Variants in SEMA3A observed in about 807,000 individuals in gnomAD.
SEMA3A encodes semaphorin 3A.
Under a neutral mutation model 97.9 loss-of-function variants are expected in SEMA3A, and 29 were observed. That is an observed-to-expected ratio of 0.30 (90% CI 0.22 to 0.40). SEMA3A has a LOEUF of 0.40. Among genes scored for constraint, SEMA3A ranks in the 10% least tolerant of loss-of-function variants. SEMA3A has a pLI of 1.00. For synonymous variants in SEMA3A, 321 were observed against 323.7 expected (o/e 0.99, Z 0.09); for missense variants, 763 against 951.3 (o/e 0.80, Z 2.60).
At chr7:84,333,592 A>C (rs1169499338) in intron 2 of SEMA3A, among the ~76,000 whole-genome samples, 1 of 152,196 alleles carries the variant, frequency 6.6e-6, no homozygotes, top group Non-Finnish European at 1.5e-5. Context: ...CTTTCCAAAG[A>C]AAAATTGAAA....
chr7:84,147,384 A>C (rs17241955), intron 1 of SEMA3A, among the ~76,000 whole-genome samples: 73,094 of 152,152 alleles, frequency 0.48, 18,707 homozygotes, highest in East Asian at 0.68. Flanking sequence ...GGGAGGAAAA[A>C]AGTCTTCCTT....
intron 3 of SEMA3A, among the ~76,000 whole-genome samples, chr7:84,249,368 C>CATCTATCTATCTATCTATCTATCT (rs60537339): frequency 5.7e-4 from 81 of 143,236 alleles, no homozygotes; most frequent in South Asian, 7.0e-4. Flanking sequence ...CTCTGTCTAT[C>CATCTATCTATCTATCTATCTATCT]ATCTATCTAT....
intron 2 of SEMA3A, among the ~76,000 whole-genome samples, chr7:84,317,866 GA>G (rs1045196629): frequency 6.6e-6 from 1 of 151,790 alleles, no homozygotes; most frequent in African/African-American, 2.4e-5. Flanking sequence ...GGTAAGCTTT[GA>G]AAAAAATATG....
At chr7:84,091,821 T>C (rs1279806887) in intron 4 of SEMA3A, among the ~76,000 whole-genome samples, 6 of 152,172 alleles carry the variant, frequency 3.9e-5, no homozygotes, top group Non-Finnish European at 7.4e-5. Context: ...TTGATGATAA[T>C]GTTCTTTTTC....
intron 1 of SEMA3A, among the ~76,000 whole-genome samples, chr7:84,397,929 T>C (rs530447593): frequency 2.6e-5 from 4 of 152,154 alleles, no homozygotes; most frequent in Non-Finnish European, 4.4e-5. Context: ...ATGCAAAGTG[T>C]ATAAAAATGG....
intron 3 of SEMA3A, among the ~76,000 whole-genome samples, chr7:84,280,166 G>A (rs1003658572): frequency 1.3e-5 from 2 of 152,050 alleles, no homozygotes; most frequent in African/African-American, 4.8e-5. Context: ...CAAAGTCCTG[G>A]GATTACAGAT....
intron 1 of SEMA3A, among the ~76,000 whole-genome samples, chr7:84,383,162 T>G (rs891599916): frequency 6.6e-6 from 1 of 152,112 alleles, no homozygotes; most frequent in Admixed American, 6.5e-5. Context: ...TTAATTTTAA[T>G]AATGAACTGG....
chr7:84,229,947 C>G (rs137880400), intron 3 of SEMA3A, among the ~76,000 whole-genome samples: 2 of 152,072 alleles, frequency 1.3e-5, no homozygotes, highest in East Asian at 3.9e-4. Flanking sequence ...CCTTCTCAGA[C>G]GACAAATTAA....
rs184959402 is a variant in SEMA3A, at chr7:84,339,237, T to C, written c.-168-31945A>G. On this transcript the variant is annotated intron_variant, in intron 2 of 3. Coordinates refer to the SEMA3A transcript ENST00000424555. The stretch of plus-strand genomic sequence containing the variant: ...AAAAGATGTATAATCCTAACAAAAG[T>C]AGATGAATTGGGGACTAATAGAGGC... Among the ~76,000 whole-genome samples the C allele has an allele frequency of 3.3e-3, 505 of 152,168 alleles. 1 individual carries two copies. The highest frequency in any genetic ancestry group is 5.8e-3 in the Non-Finnish European group (391 of 67,998).
intron 1 of SEMA3A, among the ~76,000 whole-genome samples, chr7:84,390,923 A>C (rs574668695): frequency 2.9e-4 from 44 of 152,276 alleles, no homozygotes; most frequent in African/African-American, 9.9e-4. Flanking sequence ...GAGAATCATA[A>C]AGTTAGACCC....
chr7:84,197,560 T>A (rs1798260097), upstream of SEMA3A, among the ~76,000 whole-genome samples: 1 of 144,186 alleles, frequency 6.9e-6, no homozygotes, highest in Non-Finnish European at 1.6e-5. Context: ...ATTGTTTAAC[T>A]TTTTTTTTCT....
At chr7:84,017,022 C>T (rs889086270) in intron 6 of SEMA3A, among the ~76,000 whole-genome samples, 1 of 152,120 alleles carries the variant, frequency 6.6e-6, no homozygotes, top group Non-Finnish European at 1.5e-5. Flanking sequence ...CATTCAGTTG[C>T]CTTTTATTAG....
intron 4 of SEMA3A, among the ~76,000 whole-genome samples, chr7:84,065,687 C>A (rs372724658): frequency 3.3e-5 from 5 of 152,192 alleles, no homozygotes; most frequent in African/African-American, 9.6e-5. Context: ...GGATAAATTC[C>A]TCGACGTATA....
intron 1 of SEMA3A, among the ~76,000 whole-genome samples, chr7:84,161,890 A>C (rs1797046622): frequency 6.6e-6 from 1 of 152,136 alleles, no homozygotes; most frequent in Non-Finnish European, 1.5e-5. Context: ...TTAATGTTTC[A>C]TTTTTCTAGC....
chr7:84,299,336 G>GTC (rs1800948601), intron 3 of SEMA3A, among the ~76,000 whole-genome samples: 5 of 87,878 alleles, frequency 5.7e-5, no homozygotes, highest in Non-Finnish European at 9.7e-5. Context: ...CCATATATAT[G>GTC]TATCTCTCTC....
At chr7:84,001,840 A>AATT in intron 12 of SEMA3A, 115 bp downstream of exon 12, 1 of 519,158 alleles carries the variant, frequency 1.9e-6, no homozygotes. Flanking sequence ...TTGACAAGCT[A>AATT]ATTAGAAGGG....
At chr7:84,395,026 A>G (rs549045085) in intron 1 of SEMA3A, among the ~76,000 whole-genome samples, 2 of 152,262 alleles carry the variant, frequency 1.3e-5, no homozygotes, top group South Asian at 4.1e-4. Context: ...AGCCTTGGAC[A>G]TGCTTAAAGT....
At chr7:84,276,009 G>A (rs912815484) in intron 3 of SEMA3A, among the ~76,000 whole-genome samples, 12 of 152,000 alleles carry the variant, frequency 7.9e-5, no homozygotes, top group Admixed American at 6.6e-5. Flanking sequence ...TCCTGCTCAT[G>A]TAAAGTGGTA....
intron 4 of SEMA3A, among the ~76,000 whole-genome samples, chr7:84,088,040 C>T (rs1794434168): frequency 6.6e-6 from 1 of 152,086 alleles, no homozygotes; most frequent in Non-Finnish European, 1.5e-5. Context: ...CCAGTCATTG[C>T]TCTATGTTAC....
Sources: allele counts gnomAD v4.1 joint callset (sites outside exome capture counted in the v4.1 genomes callset), GRCh38; gene constraint gnomAD v4.1.1; transcripts MANE v1.5; gene names NCBI Gene and HGNC (gene_info 2026-07-23, HGNC 2026-07-21).